LGSN: variants seen among roughly 807,000 people sequenced by gnomAD.
LGSN encodes lengsin.
Under a neutral mutation model 19.5 loss-of-function variants are expected in LGSN, and 21 were observed. The ratio of observed to expected loss-of-function variants is 1.07; its 90% CI spans 0.76 to 1.55. LGSN has a LOEUF of 1.55. LGSN is among the 40% of genes most tolerant of loss of function. The probability of loss-of-function intolerance (pLI) is 0.00; values close to 1 mark genes in which losing one functional copy is unlikely to be tolerated. For synonymous variants in LGSN, 257 were observed against 215.6 expected, an observed-to-expected ratio of 1.19 and a Z score of -1.68; for missense variants, 673 against 608.5, an observed-to-expected ratio of 1.11 and a Z score of -1.12.
chr6:63,315,618 C>CTGTGTG lies in LGSN; in HGVS notation c.30+4290_30+4295dup, dbSNP rs10601946. ...GCTAAAATGTTCTCTCTCTCTCTCT[C>CTGTGTG]TGTGTGTGTGTGTGTGTGTGTGTGT... On this transcript the variant is annotated intron_variant, in intron 1 of 3. Transcript: ENST00000370657. 1.0e-3 allele frequency among the ~76,000 whole-genome samples: 141 copies of CTGTGTG among 138,160 alleles called. 2 individuals are homozygous for CTGTGTG. Among genetic ancestry groups the CTGTGTG allele is most frequent in the African/African-American group, 3.2e-3 (122 of 38,104 alleles). The allele number at this position is 138,160 out of a possible 152,430, so 90.6% of individuals were successfully genotyped here. A position where few individuals can be genotyped will look rare whatever the true frequency, so the allele number is the denominator to read the frequency against.
intron 1 of LGSN, among the ~76,000 whole-genome samples, chr6:63,317,791 T>C (rs1027495250): frequency 3.3e-5 from 5 of 152,140 alleles, no homozygotes; most frequent in African/African-American, 1.2e-4. Flanking sequence ...AGTCTCTGAC[T>C]TCACCCCAGA....
chr6:63,292,514 T>G (rs544198699), intron 2 of LGSN, among the ~76,000 whole-genome samples: 1 of 152,310 alleles, frequency 6.6e-6, no homozygotes, highest in South Asian at 2.1e-4. Flanking sequence ...ATGTTACTTA[T>G]AGTGGTGACT....
chr6:63,404,734 T>C, the LGSN span, among the ~76,000 whole-genome samples: 1 of 152,114 alleles, frequency 6.6e-6, no homozygotes, highest in African/African-American at 2.4e-5. Flanking sequence ...TTCAACTAAC[T>C]TTTATGGGGG....
At chr6:63,411,243 G>A in the LGSN span, among the ~76,000 whole-genome samples, 3 of 152,248 alleles carry the variant, frequency 2.0e-5, no homozygotes, top group East Asian at 1.9e-4. Context: ...CAGGAATTAC[G>A]CTGTGAGCTA....
chr6:63,419,562 G>A, the LGSN span, among the ~76,000 whole-genome samples: 2 of 152,050 alleles, frequency 1.3e-5, no homozygotes, highest in Admixed American at 6.6e-5. Context: ...AGGGAAGCTT[G>A]AAGACACTTT....
chr6:63,410,320 C>CT, the LGSN span, among the ~76,000 whole-genome samples: 1 of 151,948 alleles, frequency 6.6e-6, no homozygotes, highest in African/African-American at 2.4e-5. Context: ...AATGTTTTGA[C>CT]TTTTTGTAGA....
the LGSN span, among the ~76,000 whole-genome samples, chr6:63,346,686 T>TG: frequency 1.3e-5 from 2 of 152,226 alleles, no homozygotes; most frequent in East Asian, 3.9e-4. Context: ...GCCTCTGAAG[T>TG]GGGGGCAATC....
At chr6:63,469,451 A>C in the LGSN span, among the ~76,000 whole-genome samples, 1 of 152,246 alleles carries the variant, frequency 6.6e-6, no homozygotes, top group Non-Finnish European at 1.5e-5. Flanking sequence ...TCAAAGGCCT[A>C]GAAAAATGTC....
the LGSN span, among the ~76,000 whole-genome samples, chr6:63,551,074 C>T: frequency 6.7e-6 from 1 of 148,608 alleles, no homozygotes; most frequent in Non-Finnish European, 1.5e-5. Flanking sequence ...TTTGTTGTTG[C>T]TGTTGTTTTG....
chr6:63,344,975 A>C, the LGSN span, among the ~76,000 whole-genome samples: 1 of 152,192 alleles, frequency 6.6e-6, no homozygotes, highest in Admixed American at 6.6e-5. Flanking sequence ...ATCAAAATCT[A>C]CCATTGTCCT....
intron 1 of LGSN, among the ~76,000 whole-genome samples, chr6:63,304,516 A>G (rs1190404046): frequency 2.0e-5 from 3 of 152,234 alleles, no homozygotes; most frequent in Non-Finnish European, 2.9e-5. Context: ...ACATGAATAA[A>G]TACACTGGGT....
chr6:63,439,832 G>A, the LGSN span, among the ~76,000 whole-genome samples: 1 of 152,026 alleles, frequency 6.6e-6, no homozygotes, highest in Non-Finnish European at 1.5e-5. Context: ...TTCAGATATC[G>A]AACCTTCTCT....
intron 1 of LGSN, among the ~76,000 whole-genome samples, chr6:63,314,124 C>T (rs1768747299): frequency 6.6e-6 from 1 of 151,890 alleles, no homozygotes; most frequent in Non-Finnish European, 1.5e-5. Context: ...TGTTTGTGTC[C>T]CCCACAAACC....
chr6:63,407,692 G>A, the LGSN span, among the ~76,000 whole-genome samples: 4 of 152,244 alleles, frequency 2.6e-5, no homozygotes, highest in South Asian at 4.1e-4. Flanking sequence ...CAATTAGGCA[G>A]GAGAAGCAAT....
the LGSN span, among the ~76,000 whole-genome samples, chr6:63,407,871 C>T: frequency 2.6e-5 from 4 of 152,190 alleles, no homozygotes; most frequent in African/African-American, 9.7e-5. Flanking sequence ...CACAAGCATT[C>T]TTATACACCA....
At chr6:63,328,130 C>A in the LGSN span, among the ~76,000 whole-genome samples, 100 of 152,336 alleles carry the variant, frequency 6.6e-4, no homozygotes, top group African/African-American at 2.2e-3. Context: ...TAACTGGGCA[C>A]TGGTCCCTGG....
chr6:63,291,503 A>G (rs1048424545), intron 2 of LGSN, among the ~76,000 whole-genome samples: 4 of 152,136 alleles, frequency 2.6e-5, no homozygotes, highest in African/African-American at 9.7e-5. Context: ...GACCGTCCCC[A>G]GCTGAACTCC....
At chr6:63,339,429 C>A in the LGSN span, among the ~76,000 whole-genome samples, 2 of 152,166 alleles carry the variant, frequency 1.3e-5, no homozygotes, top group East Asian at 1.9e-4. Context: ...ATATAATGAT[C>A]TTTGTCTTTT....
chr6:63,423,366 C>T, the LGSN span, among the ~76,000 whole-genome samples: 1 of 151,522 alleles, frequency 6.6e-6, no homozygotes, highest in Non-Finnish European at 1.5e-5. Context: ...ATAATCTGGG[C>T]AAAGTGGCTC....
Sources: allele counts gnomAD v4.1 joint callset (sites outside exome capture counted in the v4.1 genomes callset), GRCh38; gene constraint gnomAD v4.1.1; transcripts MANE v1.5; gene names NCBI Gene and HGNC (gene_info 2026-07-23, HGNC 2026-07-21).